The following SMURF2 variants were observed in gnomAD, a reference collection of about 807,000 sequenced individuals.
SMURF2 encodes E3 ubiquitin-protein ligase SMURF2.
A neutral mutation model predicts 109.6 loss-of-function variants in SMURF2; 48 were observed. The ratio of observed to expected loss-of-function variants is 0.44; its 90% CI spans 0.35 to 0.56. SMURF2 has a LOEUF of 0.56. SMURF2 is among the 20% of genes least tolerant of loss of function. The pLI is 0.01. For synonymous variants in SMURF2, 288 were observed against 317.1 expected, an observed-to-expected ratio of 0.91 and a Z score of 0.97; for missense variants, 575 against 909.0, an observed-to-expected ratio of 0.63 and a Z score of 4.72.
At chr17:64,611,235 T>G (rs1202804869) in intron 1 of SMURF2, among the ~76,000 whole-genome samples, 15 of 152,218 alleles carry the variant, frequency 9.9e-5, no homozygotes, top group African/African-American at 3.6e-4. Flanking sequence ...ACATTTTTCC[T>G]GGGAGAGAGT....
intron 2 of SMURF2, among the ~76,000 whole-genome samples, chr17:64,599,257 A>C (rs546688975): frequency 3.3e-5 from 5 of 152,332 alleles, no homozygotes; most frequent in East Asian, 1.9e-4. Context: ...CCAAGGTCAC[A>C]GAGTAGTAAA....
At chr17:64,636,724 A>T (rs539669852) in intron 1 of SMURF2, among the ~76,000 whole-genome samples, 1 of 150,968 alleles carries the variant, frequency 6.6e-6, no homozygotes, top group Non-Finnish European at 1.5e-5. Flanking sequence ...GGTTGCAGTG[A>T]GCTAAGATCA....
chr17:64,570,880 A>C (rs1299936680), intron 10 of SMURF2, among the ~76,000 whole-genome samples: 1 of 152,182 alleles, frequency 6.6e-6, no homozygotes, highest in Non-Finnish European at 1.5e-5. Context: ...TCCTGAGCTC[A>C]AGAGATCCTC....
At chr17:64,576,141 G>C (rs1360490284) in intron 9 of SMURF2, among the ~76,000 whole-genome samples, 8 of 151,970 alleles carry the variant, frequency 5.3e-5, no homozygotes, top group African/African-American at 1.9e-4. Flanking sequence ...GGAGGCAGAG[G>C]TTGTAGTGAG....
chr17:64,556,223 AT>A (rs1210609904), intron 13 of SMURF2, among the ~76,000 whole-genome samples: 1 of 152,080 alleles, frequency 6.6e-6, no homozygotes, highest in African/African-American at 2.4e-5. Context: ...GGGGCCAGTC[AT>A]TTTGTAAATT....
At chr17:64,565,505 T>TA (rs1299101480) in intron 10 of SMURF2, among the ~76,000 whole-genome samples, 1 of 152,042 alleles carries the variant, frequency 6.6e-6, no homozygotes, top group Non-Finnish European at 1.5e-5. Context: ...TCTTTTTCTT[T>TA]AAAAAGAAAA....
intron 1 of SMURF2, among the ~76,000 whole-genome samples, chr17:64,627,663 A>G (rs1298509110): frequency 6.6e-6 from 1 of 152,214 alleles, no homozygotes; most frequent in African/African-American, 2.4e-5. Flanking sequence ...GCCAATGCAG[A>G]TGTAAGCAGG....
At chr17:64,599,131 T>C (rs1969858442) in intron 2 of SMURF2, among the ~76,000 whole-genome samples, 1 of 152,212 alleles carries the variant, frequency 6.6e-6, no homozygotes, top group Non-Finnish European at 1.5e-5. Flanking sequence ...CTATGTTAGG[T>C]ACTATTCTAA....
Position 64,545,885 on chromosome 17 carries a change from G to A in SMURF2, c.2210C>T (p.Thr737Ile), listed in dbSNP as rs1598264530. 6.2e-7 allele frequency: 1 copy of A among 1,612,082 alleles called. No homozygotes were observed. The stretch of plus-strand genomic sequence containing the variant: ...AAATCCACATGTTTCTTCAATGGCT[G>A]TTAGCAGCTTTTCATATAGCTTTTC... ...SYEKLYEKLL[T>I]AIEETCGFAV... Residue 737 changes from threonine (T) to isoleucine (I), a missense_variant, in exon 19 of 19, where the codon ACA becomes ATA. By Grantham distance (89) the Thr-to-Ile change is moderately conservative (BLOSUM62 -1). Transcript: ENST00000262435.
intron 10 of SMURF2, among the ~76,000 whole-genome samples, chr17:64,565,393 T>A (rs1428757117): frequency 2.6e-5 from 4 of 152,222 alleles, no homozygotes; most frequent in Non-Finnish European, 2.9e-5. Context: ...CCTCTGCCAA[T>A]GTCTAAAGGC....
intron 1 of SMURF2, among the ~76,000 whole-genome samples, chr17:64,607,996 C>CATAAATAA (rs55747507): frequency 0.13 from 16,939 of 135,452 alleles, 1,146 homozygotes; most frequent in Non-Finnish European, 0.13. Context: ...AAGACTCTGT[C>CATAAATAA]ATAAATAAAT....
At chr17:64,627,643 G>T (rs1349888699) in intron 1 of SMURF2, among the ~76,000 whole-genome samples, 1 of 152,128 alleles carries the variant, frequency 6.6e-6, no homozygotes, top group African/African-American at 2.4e-5. Context: ...TGGACACCTA[G>T]TCTGCTGCGG....
intron 9 of SMURF2, among the ~76,000 whole-genome samples, chr17:64,577,963 T>TG (rs1969520337): frequency 6.7e-6 from 1 of 148,310 alleles, no homozygotes; most frequent in Non-Finnish European, 1.5e-5. Context: ...TTTTTTTTTT[T>TG]GAGACAGAGT....
intron 5 of SMURF2, among the ~76,000 whole-genome samples, chr17:64,588,194 G>A (rs1316497198): frequency 6.6e-6 from 1 of 150,748 alleles, no homozygotes; most frequent in Non-Finnish European, 1.5e-5. Flanking sequence ...ATACATTCAA[G>A]TAATAACAAT....
chr17:64,550,316 CTAAA>C (rs1257408041), intron 16 of SMURF2, among the ~76,000 whole-genome samples: 2 of 152,210 alleles, frequency 1.3e-5, no homozygotes, highest in African/African-American at 4.8e-5. Flanking sequence ...TCCCTAACTA[CTAAA>C]TAAATTTGGG....
At chr17:64,590,703 A>G (rs1568186412) in intron 5 of SMURF2, among the ~76,000 whole-genome samples, 1 of 152,182 alleles carries the variant, frequency 6.6e-6, no homozygotes, top group Non-Finnish European at 1.5e-5. Context: ...CATAGATTTT[A>G]AAGCTGTAAA....
At chr17:64,648,058 TAAAAAAAAAAAAAAAAAAAAAAA>T (rs56131846) in intron 1 of SMURF2, among the ~76,000 whole-genome samples, 2 of 17,668 alleles carry the variant, frequency 1.1e-4, no homozygotes, top group Non-Finnish European at 2.2e-4. Flanking sequence ...CCCTATCTCT[TAAAAAAAAAAAAAAAAAAAAAAA>T]AAAAAAAAAA....
chr17:64,636,681 A>G (rs897494704), intron 1 of SMURF2, among the ~76,000 whole-genome samples: 2 of 150,038 alleles, frequency 1.3e-5, no homozygotes, highest in Non-Finnish European at 3.0e-5. Flanking sequence ...CAGGAGGCTG[A>G]GGCAGAAGAA....
intron 1 of SMURF2, among the ~76,000 whole-genome samples, chr17:64,635,260 G>A (rs1555691984): frequency 6.6e-6 from 1 of 151,854 alleles, no homozygotes; most frequent in African/African-American, 2.4e-5. Context: ...CAGGGAGGTG[G>A]AGGTTGCGGT....
Sources: allele counts gnomAD v4.1 joint callset (sites outside exome capture counted in the v4.1 genomes callset), GRCh38; gene constraint gnomAD v4.1.1; transcripts MANE v1.5; gene names NCBI Gene and HGNC (gene_info 2026-07-23, HGNC 2026-07-21).